ST7L: variants seen among roughly 807,000 people sequenced by gnomAD.
ST7L encodes the protein suppression of tumorigenicity 7 like.
ST7L carries 57 observed loss-of-function variants against 72.5 expected under a neutral mutation model. The ratio of observed to expected loss-of-function variants is 0.79; its 90% CI spans 0.64 to 0.98. The LOEUF (loss-of-function observed/expected upper bound fraction) is 0.98. Among genes scored for constraint, ST7L ranks in the 50% least tolerant of loss-of-function variants. The pLI is 0.00. For missense variants in ST7L, 576 were observed against 672.2 expected (o/e 0.86, Z 1.58); for synonymous variants, 221 against 240.9 (o/e 0.92, Z 0.77).
chr1:112,541,297 AG>A, intron 14 of ST7L, among the ~76,000 whole-genome samples: 1 of 152,086 alleles, frequency 6.6e-6, no homozygotes, highest in Middle Eastern at 3.4e-3. Flanking sequence ...AAAAAAAAAA[AG>A]TAAATAGTGA....
At position 112,584,050 on chromosome 1, in the gene ST7L, C is replaced by A; in HGVS notation, c.778G>T (p.Ala260Ser). The change falls in exon 7 of 15, where the codon GCA (alanine) becomes TCA (serine). Residue 260 changes from alanine (A) to serine (S), a missense_variant. Transcript: ENST00000358039. ...TAAATTGTTTCTCCTGCCTTGAGTG[C>A]CTGTTTAAATAACCTTTCAGCATCT... is the stretch of plus-strand genomic sequence containing the variant. ...IVDAERLFKQALKAGETIYRQ... is the reference protein window; with the variant it reads ...IVDAERLFKQSLKAGETIYRQ... 6.2e-7 allele frequency: 1 copy of A among 1,614,124 alleles called. No individual in the cohort carries two copies.
Position 112,584,045 on chromosome 1 carries a change from G to C in ST7L, c.783C>G (p.Leu261=), listed in dbSNP as rs776848312. ...VDAERLFKQA[L]KAGETIYRQS... The stretch of plus-strand genomic sequence containing the variant: ...GCCTATAAATTGTTTCTCCTGCCTT[G>C]AGTGCCTGTTTAAATAACCTTTCAG... The change falls in exon 7 of 15, where the codon CTC becomes CTG. Residue 261 remains leucine (L), a synonymous_variant. Coordinates refer to ENST00000358039, the MANE Select transcript of ST7L (RefSeq NM_017744.5). 3.1e-6 allele frequency: 5 copies of C among 1,613,994 alleles called. No homozygotes were observed. Among genetic ancestry groups the C allele is most frequent in the Non-Finnish European group, 4.2e-6 (5 of 1,180,022 alleles).
downstream of ST7L, chr1:112,522,521 A>C (rs2101107964): frequency 6.6e-6 from 1 of 152,376 alleles, no homozygotes; most frequent in African/African-American, 2.4e-5. Context: ...GTCTTTCCAA[A>C]GTTCCTCTCC....
At chr1:112,523,426 A>T (rs982586834), downstream of ST7L, 1 of 152,214 alleles carries the variant, frequency 6.6e-6, no homozygotes, top group Non-Finnish European at 1.5e-5. Flanking sequence ...CCAAGCAATT[A>T]ATTTTTCCTC....
intron 11 of ST7L, among the ~76,000 whole-genome samples, chr1:112,561,341 A>C (rs1660089120): frequency 7.0e-6 from 1 of 142,680 alleles, no homozygotes; most frequent in African/African-American, 2.6e-5. Flanking sequence ...CTAAGGCAGG[A>C]GGATAGCTGG....
intron 3 of ST7L, among the ~76,000 whole-genome samples, chr1:112,605,807 T>C (rs549043684): frequency 6.2e-4 from 95 of 152,264 alleles, no homozygotes; most frequent in African/African-American, 2.2e-3. Context: ...ACCCATGCAG[T>C]TCTCTGTGAG....
intron 11 of ST7L, among the ~76,000 whole-genome samples, chr1:112,575,010 G>A (rs1363728504): frequency 2.6e-5 from 4 of 152,010 alleles, no homozygotes; most frequent in Admixed American, 6.6e-5. Context: ...AGGCTGAGGC[G>A]GGCGGATCAC....
chr1:112,519,868 GCTT>G (rs201288432), downstream of ST7L, among the ~76,000 whole-genome samples: 5 of 110,232 alleles, frequency 4.5e-5, no homozygotes, highest in African/African-American at 9.4e-5. Context: ...CAGAGCCCAT[GCTT>G]CTTTTTTTTT....
downstream of ST7L, among the ~76,000 whole-genome samples, chr1:112,519,212 A>C (rs1403119806): frequency 6.6e-6 from 1 of 152,220 alleles, no homozygotes; most frequent in Non-Finnish European, 1.5e-5. Flanking sequence ...CAATTTGAGC[A>C]TATATCTCCA....
At chr1:112,604,327 T>C (rs1558049056) in intron 3 of ST7L, among the ~76,000 whole-genome samples, 1 of 151,858 alleles carries the variant, frequency 6.6e-6, no homozygotes, top group African/African-American at 2.4e-5. Flanking sequence ...TAAATAAAAA[T>C]ACAACAATTC....
Position 112,524,588 on chromosome 1 carries a change from C to T in ST7L, c.*1425G>A, listed in dbSNP as rs1434644784. On this transcript the variant is annotated 3_prime_UTR_variant, in exon 15 of 15. Transcript: ENST00000358039. Reference sequence around the variant, plus strand: ...TTACACAGAGACCTGTAGCTCACACCTGGTTATTGATGGCCTTGGTGGAGG... The same window carrying T: ...TTACACAGAGACCTGTAGCTCACACTTGGTTATTGATGGCCTTGGTGGAGG... 6.6e-6 allele frequency: 1 copy of T among 152,622 alleles called. No individual in the cohort carries two copies. Among genetic ancestry groups the T allele is most frequent in the African/African-American group, 2.4e-5 (1 of 41,432 alleles). The allele number at this position is 152,622 out of a possible 1,614,324, so 9.5% of individuals were successfully genotyped here.
At chr1:112,519,388 C>T (rs904277130), downstream of ST7L, among the ~76,000 whole-genome samples, 1 of 152,162 alleles carries the variant, frequency 6.6e-6, no homozygotes, top group Admixed American at 6.5e-5. Flanking sequence ...TTAATCTATT[C>T]TCCGTTTTGA....
At chr1:112,563,330 C>T (rs1660479108) in intron 11 of ST7L, among the ~76,000 whole-genome samples, 1 of 152,060 alleles carries the variant, frequency 6.6e-6, no homozygotes, top group Non-Finnish European at 1.5e-5. Context: ...GAAGAAAGGA[C>T]TTAACAAATT....
At chr1:112,557,739 G>C (rs1659437763) in intron 11 of ST7L, among the ~76,000 whole-genome samples, 1 of 152,168 alleles carries the variant, frequency 6.6e-6, no homozygotes, top group Non-Finnish European at 1.5e-5. Context: ...GAGTGGACTG[G>C]GGAGTGAGGA....
chr1:112,611,436 G>A (rs904863456), intron 2 of ST7L, among the ~76,000 whole-genome samples: 1 of 152,106 alleles, frequency 6.6e-6, no homozygotes, highest in African/African-American at 2.4e-5. Context: ...GTGTGCTGTG[G>A]GCAAGTCACT....
At chr1:112,534,249 A>T (rs1313584621) in intron 14 of ST7L, among the ~76,000 whole-genome samples, 1 of 152,202 alleles carries the variant, frequency 6.6e-6, no homozygotes, top group African/African-American at 2.4e-5. Flanking sequence ...TATCTCTGGT[A>T]TGAAATTTAT....
chr1:112,600,314 A>C (rs533472800), intron 4 of ST7L, among the ~76,000 whole-genome samples: 117 of 152,326 alleles, frequency 7.7e-4, no homozygotes, highest in African/African-American at 2.7e-3. Context: ...CTGGGATTAC[A>C]GGCATGAGCC....
intron 5 of ST7L, 83 bp downstream of exon 5, chr1:112,597,888 T>C: frequency 1.1e-6 from 1 of 950,770 alleles, no homozygotes; most frequent in South Asian, 2.1e-5. Context: ...AATAACTCTG[T>C]ATATTATAAT....
chr1:112,550,822 C>T (rs1172877100), intron 12 of ST7L, 129 bp from the exon 13 acceptor site: 1 of 630,628 alleles, frequency 1.6e-6, no homozygotes, highest in East Asian at 2.9e-5. Flanking sequence ...ATACGAGAAA[C>T]AAAGTAAGCA....
Sources: allele counts gnomAD v4.1 joint callset (sites outside exome capture counted in the v4.1 genomes callset), GRCh38; gene constraint gnomAD v4.1.1; transcripts MANE v1.5; gene names NCBI Gene and HGNC (gene_info 2026-07-23, HGNC 2026-07-21).